AVL9: variants seen among roughly 807,000 people sequenced by gnomAD.
The protein encoded by AVL9 is late secretory pathway protein AVL9 homolog.
AVL9 carries 49 observed loss-of-function variants against 79.2 expected under a neutral mutation model. The observed-to-expected ratio is 0.62, with a 90% CI of 0.49 to 0.79. AVL9 has a LOEUF of 0.79. Ranked by LOEUF, AVL9 falls within the 30% of genes least tolerant of loss-of-function variation. The probability of loss-of-function intolerance (pLI) is 0.00; values close to 1 mark genes in which losing one functional copy is unlikely to be tolerated. For missense variants in AVL9, 682 were observed against 776.8 expected, an observed-to-expected ratio of 0.88 and a Z score of 1.45; for synonymous variants, 299 against 280.6, an observed-to-expected ratio of 1.07 and a Z score of -0.65.
chr7:32,551,571 C>A, intron 5 of AVL9, 148 bp downstream of exon 5: 1 of 292,736 alleles, frequency 3.4e-6, no homozygotes. Context: ...CATTGAAAGA[C>A]TAGGAATCTG....
At chr7:32,522,776 A>G (rs543128285) in intron 1 of AVL9, among the ~76,000 whole-genome samples, 1 of 152,198 alleles carries the variant, frequency 6.6e-6, no homozygotes, top group African/African-American at 2.4e-5. Flanking sequence ...CTCGAATTAT[A>G]TCTCCCAGAA....
At chr7:32,533,794 C>T (rs374143377) in intron 1 of AVL9, 2 of 151,966 alleles carry the variant, frequency 1.3e-5, no homozygotes, top group African/African-American at 4.8e-5. Context: ...TTCTGTAAGC[C>T]GTTGATATAC....
At chr7:32,558,874 C>G in intron 9 of AVL9, 55 bp from the exon 10 acceptor site, 1 of 1,445,398 alleles carries the variant, frequency 6.9e-7, no homozygotes, top group African/African-American at 1.4e-5. Context: ...ATATAGCTCT[C>G]AGGTTCTTCC....
At chr7:32,560,323 A>G in intron 10 of AVL9, among the ~76,000 whole-genome samples, 1 of 151,904 alleles carries the variant, frequency 6.6e-6, no homozygotes, top group Middle Eastern at 3.4e-3. Flanking sequence ...AGTGAAGTAC[A>G]ATTAATTATT....
chr7:32,586,472 C>CCCCCCACA lies in AVL9; in HGVS notation c.*2566_*2567insCCCCACAC, dbSNP rs34422070. 3.5e-5 allele frequency: 5 copies of CCCCCCACA among 143,042 alleles called. No individual in the cohort carries two copies. Among genetic ancestry groups the CCCCCCACA allele is most frequent in the African/African-American group, 1.3e-4 (5 of 38,824 alleles). 8.9% of individuals were successfully genotyped at this position (143,042 alleles called of 1,614,324 possible). On this transcript the variant is annotated 3_prime_UTR_variant, in exon 16 of 16. Coordinates refer to ENST00000318709, the MANE Select transcript of AVL9 (RefSeq NM_015060.3). ...CCCCTGGTCCTGTGACCCCCCCCCCCCACACACACACATACTTCAGGCTTG... is the reference window on the plus strand; with the variant it reads ...CCCCTGGTCCTGTGACCCCCCCCCCCCCCCCACACACACACACACATACTTCAGGCTTG...
rs1791826684 is a variant in AVL9 at position 32,587,082 on chromosome 7, G to C, written c.*3175G>C. 1 of 152,206 alleles carries C rather than the reference G, an allele frequency of 6.6e-6. No individual in the cohort carries two copies. The allele number at this position is 152,206 out of a possible 1,614,324, so 9.4% of individuals were successfully genotyped here. On this transcript the variant is annotated 3_prime_UTR_variant, in exon 16 of 16. Transcript: ENST00000318709. ...ACTTTGGCAGCAAACCAGAGCATAT[G>C]ATGTAACTTGCTCAACCTTATCTTC... is the stretch of plus-strand genomic sequence containing the variant.
intron 6 of AVL9, 45 bp from the exon 7 acceptor site, chr7:32,553,682 A>T: frequency 6.7e-7 from 1 of 1,490,810 alleles, no homozygotes; most frequent in African/African-American, 1.4e-5. Flanking sequence ...TGCAGCAAAA[A>T]CATTACATTG....
At chr7:32,520,940 T>C (rs1788115349) in intron 1 of AVL9, among the ~76,000 whole-genome samples, 1 of 152,150 alleles carries the variant, frequency 6.6e-6, no homozygotes, top group Admixed American at 6.5e-5. Flanking sequence ...CATGCTATTC[T>C]CGTGATAGTG....
At chr7:32,556,455 A>G (rs1264788571) in intron 8 of AVL9, among the ~76,000 whole-genome samples, 1 of 152,092 alleles carries the variant, frequency 6.6e-6, no homozygotes, top group Non-Finnish European at 1.5e-5. Flanking sequence ...CAGAGGTTGC[A>G]GTGAGCCAAG....
At chr7:32,544,144 G>A (rs1400960800) in intron 2 of AVL9, among the ~76,000 whole-genome samples, 1 of 152,108 alleles carries the variant, frequency 6.6e-6, no homozygotes. Flanking sequence ...TTATATTTGT[G>A]TATGTGTATA....
intron 1 of AVL9, among the ~76,000 whole-genome samples, chr7:32,511,093 G>A (rs1787650840): frequency 7.0e-6 from 1 of 142,864 alleles, no homozygotes; most frequent in Non-Finnish European, 1.5e-5. Context: ...AACTGCCCCA[G>A]TATGAGGGAA....
In AVL9 at chr7:32,570,166, TGTGA is replaced by T. The variant is rs1473707169; in HGVS notation, c.1350+16_1350+19del. 4 of 1,613,946 alleles carry T rather than the reference TGTGA, an allele frequency of 2.5e-6. No individual in the cohort carries two copies. The highest frequency in any genetic ancestry group is 3.4e-6 in the Non-Finnish European group (4 of 1,179,930). On this transcript the variant is annotated intron_variant, in intron 11 of 15. Coordinates refer to ENST00000318709, the MANE Select transcript of AVL9 (RefSeq NM_015060.3). ...ATGCCATTGTGGAAGTACGTTTATG[TGTGA>T]GTGTGTGTATTTGGCCCTGCTCATC... is the stretch of plus-strand genomic sequence containing the variant.
chr7:32,503,752 C>CGTTCACT (rs1325878698), intron 1 of AVL9, among the ~76,000 whole-genome samples: 4 of 151,508 alleles, frequency 2.6e-5, no homozygotes, highest in Non-Finnish European at 5.9e-5. Flanking sequence ...AAATGATCTT[C>CGTTCACT]GTTCACTGCA....
chr7:32,516,257 G>T (rs918548641), intron 1 of AVL9, among the ~76,000 whole-genome samples: 2 of 152,192 alleles, frequency 1.3e-5, no homozygotes, highest in Non-Finnish European at 1.5e-5. Flanking sequence ...AAAGCTGACT[G>T]AGGACAGTTT....
At chr7:32,505,723 C>G (rs1326793760) in intron 1 of AVL9, among the ~76,000 whole-genome samples, 1 of 151,692 alleles carries the variant, frequency 6.6e-6, no homozygotes, top group East Asian at 1.9e-4. Flanking sequence ...TTGAGACTTA[C>G]AAGTATGTAA....
At chr7:32,574,265 GGTTA>G (rs553381912) in intron 12 of AVL9, among the ~76,000 whole-genome samples, 104 of 143,922 alleles carry the variant, frequency 7.2e-4, no homozygotes, top group African/African-American at 2.5e-3. Flanking sequence ...CATGCTCCCA[GGTTA>G]GTTGTTTACA....
chr7:32,552,345 T>G (rs769936285), intron 6 of AVL9, 50 bp downstream of exon 6: 1 of 1,187,692 alleles, frequency 8.4e-7, no homozygotes, highest in Non-Finnish European at 1.2e-6. Context: ...TTCTATTTGT[T>G]TAGCAAACTG....
intron 1 of AVL9, among the ~76,000 whole-genome samples, chr7:32,499,029 G>GT (rs1786995171): frequency 2.6e-5 from 3 of 114,158 alleles, no homozygotes; most frequent in East Asian, 2.5e-4. Context: ...TGCGCGTGGT[G>GT]GCACATGCCT....
At chr7:32,550,656 T>C (rs1031547979) in intron 4 of AVL9, among the ~76,000 whole-genome samples, 32 of 152,040 alleles carry the variant, frequency 2.1e-4, no homozygotes, top group African/African-American at 7.0e-4. Flanking sequence ...AAAAGAACAT[T>C]ACAAATAAAA....
Sources: allele counts gnomAD v4.1 joint callset (sites outside exome capture counted in the v4.1 genomes callset), GRCh38; gene constraint gnomAD v4.1.1; transcripts MANE v1.5; gene names NCBI Gene and HGNC (gene_info 2026-07-23, HGNC 2026-07-21).